The following MON2 variants were observed in gnomAD, a reference collection of about 807,000 sequenced individuals.
MON2 encodes MON2 regulator of endosome-to-Golgi trafficking.
Under a neutral mutation model 208.6 loss-of-function variants are expected in MON2, and 84 were observed. The observed-to-expected ratio is 0.40, with a 90% CI of 0.34 to 0.48. The LOEUF (loss-of-function observed/expected upper bound fraction) is 0.48, where lower values mean the gene tolerates loss of function less well. Among genes scored for constraint, MON2 ranks in the 20% least tolerant of loss-of-function variants. The pLI, the probability that MON2 is intolerant of heterozygous loss-of-function variation, is 0.59. For synonymous variants in MON2, 660 were observed against 694.0 expected (o/e 0.95, Z 0.77); for missense variants, 1,611 against 2,015.4 (o/e 0.80, Z 3.84).
At position 62,546,933 on chromosome 12, in the gene MON2, A is replaced by C; in HGVS notation, c.2614A>C (p.Met872Leu). Residue 872 changes from methionine (M) to leucine (L), a missense_variant, in exon 22 of 35, where the codon ATG (methionine) becomes CTG (leucine). Transcript: ENST00000393630. Reference protein sequence around the residue: ...QLLLLNPLKEMSNINHPDIRL... With the variant: ...QLLLLNPLKELSNINHPDIRL... ...GCTTTTATTGAACCCGTTAAAGGAG[A>C]TGTCCAATATTAATCATCCAGATAT... The C allele has an allele frequency of 1.9e-6, 3 of 1,612,848 alleles. No homozygotes were observed. The highest frequency in any genetic ancestry group is 2.5e-6 in the Non-Finnish European group (3 of 1,179,322).
intron 22 of MON2, among the ~76,000 whole-genome samples, chr12:62,548,988 C>T (rs2073622704): frequency 6.6e-6 from 1 of 152,002 alleles, no homozygotes; most frequent in African/African-American, 2.4e-5. Context: ...ATGTACTGGA[C>T]ACTGTACTAG....
At chr12:62,516,043 T>C (rs2071671354) in intron 8 of MON2, among the ~76,000 whole-genome samples, 1 of 152,120 alleles carries the variant, frequency 6.6e-6, no homozygotes, top group African/African-American at 2.4e-5. Flanking sequence ...GATGAATGGA[T>C]AGAGAAAAGT....
At chr12:62,513,771 C>T (rs2071542090) in intron 8 of MON2, among the ~76,000 whole-genome samples, 1 of 123,904 alleles carries the variant, frequency 8.1e-6, no homozygotes, top group East Asian at 3.2e-4. Context: ...ATGGTGAAAC[C>T]CCATCTCTAC....
intron 5 of MON2, 49 bp from the exon 6 acceptor site, chr12:62,500,731 ATTT>A: frequency 1.2e-6 from 1 of 803,266 alleles, no homozygotes; most frequent in Non-Finnish European, 2.0e-6. Context: ...AGAATATATA[ATTT>A]ATTAAAGGCT....
intron 8 of MON2, among the ~76,000 whole-genome samples, chr12:62,513,823 A>C (rs2071544780): frequency 6.9e-6 from 1 of 145,574 alleles, no homozygotes; most frequent in South Asian, 2.2e-4. Context: ...GGTGGCAGGC[A>C]CTTGTAGTCC....
At chr12:62,515,699 C>T (rs1016295290) in intron 8 of MON2, among the ~76,000 whole-genome samples, 1 of 151,792 alleles carries the variant, frequency 6.6e-6, no homozygotes, top group Non-Finnish European at 1.5e-5. Context: ...CCTGTAATTC[C>T]AACTACTTGA....
intron 1 of MON2, among the ~76,000 whole-genome samples, chr12:62,473,672 T>C (rs1368674198): frequency 6.6e-6 from 1 of 152,102 alleles, no homozygotes; most frequent in Non-Finnish European, 1.5e-5. Context: ...CAGGCTCAAA[T>C]GATCCTCCCA....
intron 8 of MON2, among the ~76,000 whole-genome samples, chr12:62,518,533 C>CT (rs111395925): frequency 6.9e-4 from 105 of 151,616 alleles, no homozygotes; most frequent in African/African-American, 2.1e-3. Flanking sequence ...TTCTCGCTCT[C>CT]TTTTTTTTTC....
At chr12:62,550,615 A>T (rs924679168) in intron 23 of MON2, among the ~76,000 whole-genome samples, 1 of 152,218 alleles carries the variant, frequency 6.6e-6, no homozygotes, top group Non-Finnish European at 1.5e-5. Flanking sequence ...TCTTAGCTAG[A>T]TCTGGATAAC....
At chr12:62,587,533 G>A (rs965225388) in intron 33 of MON2, among the ~76,000 whole-genome samples, 2 of 151,594 alleles carry the variant, frequency 1.3e-5, no homozygotes, top group Admixed American at 6.6e-5. Flanking sequence ...CCAGGAGTTC[G>A]AGACCAGCAT....
At chr12:62,504,745 A>G (rs2071017674) in intron 7 of MON2, among the ~76,000 whole-genome samples, 1 of 152,212 alleles carries the variant, frequency 6.6e-6, no homozygotes, top group Non-Finnish European at 1.5e-5. Context: ...GTTTTATGCC[A>G]AGTATACAGA....
intron 30 of MON2, among the ~76,000 whole-genome samples, chr12:62,573,983 G>A (rs937724805): frequency 1.3e-5 from 2 of 152,174 alleles, no homozygotes; most frequent in African/African-American, 2.4e-5. Flanking sequence ...CCAGCATAGT[G>A]GATAAGAGCA....
intron 4 of MON2, among the ~76,000 whole-genome samples, chr12:62,498,643 C>T (rs370513590): frequency 1.1e-4 from 16 of 152,198 alleles, no homozygotes; most frequent in African/African-American, 3.1e-4. Context: ...TTGCAAAGCA[C>T]GTCATTCTGG....
At chr12:62,587,511 G>C (rs1474798589) in intron 33 of MON2, among the ~76,000 whole-genome samples, 2 of 151,970 alleles carry the variant, frequency 1.3e-5, no homozygotes, top group Admixed American at 6.6e-5. Context: ...TTGGCAGGGG[G>C]ATCACTTGAG....
chr12:62,543,583 A>G lies in MON2; in HGVS notation c.2466+385A>G, dbSNP rs949351533. On this transcript the variant is annotated intron_variant, in intron 20 of 34. Transcript: ENST00000393630. Reference sequence around the variant, plus strand: ...ACACTGCTCATTTATAGCCTTTGCTATCATCATGAGATAGCTTTTTTTTTT... The same window carrying G: ...ACACTGCTCATTTATAGCCTTTGCTGTCATCATGAGATAGCTTTTTTTTTT... 4.6e-5 allele frequency among the ~76,000 whole-genome samples: 7 copies of G among 151,932 alleles called. No homozygotes were observed. In the Middle Eastern group the frequency reaches 0.01, roughly 225 times the overall value.
intron 24 of MON2, 58 bp downstream of exon 24, chr12:62,553,232 C>G (rs753141285): frequency 8.6e-6 from 12 of 1,392,842 alleles, no homozygotes; most frequent in Non-Finnish European, 1.2e-5. Flanking sequence ...TATATTAATA[C>G]TTTTTCAGTT....
intron 2 of MON2, among the ~76,000 whole-genome samples, chr12:62,486,788 A>G (rs999061053): frequency 1.3e-5 from 2 of 152,160 alleles, no homozygotes; most frequent in African/African-American, 2.4e-5. Context: ...TTTGTGCTCT[A>G]ATGTATGTCA....
At chr12:62,571,107 T>C (rs144337164) in intron 29 of MON2, among the ~76,000 whole-genome samples, 388 of 152,272 alleles carry the variant, frequency 2.5e-3, no homozygotes, top group Middle Eastern at 6.8e-3. Flanking sequence ...TCAGATAATA[T>C]CCCTATTATT....
chr12:62,566,507 T>C (rs2074390932), intron 29 of MON2, 57 bp downstream of exon 29: 1 of 1,470,694 alleles, frequency 6.8e-7, no homozygotes, highest in African/African-American at 1.4e-5. Flanking sequence ...ATTGAAATTA[T>C]TCCTTAGGTA....
Sources: allele counts gnomAD v4.1 joint callset (sites outside exome capture counted in the v4.1 genomes callset), GRCh38; gene constraint gnomAD v4.1.1; transcripts MANE v1.5; gene names NCBI Gene and HGNC (gene_info 2026-07-23, HGNC 2026-07-21).